The following GRM5 variants were observed in gnomAD, a reference collection of about 807,000 sequenced individuals.
The protein encoded by GRM5 is glutamate metabotropic receptor 5, also known as metabotropic glutamate receptor 5.
In GRM5, 19 loss-of-function variants were observed where a neutral mutation model predicts 83.1. The ratio of observed to expected loss-of-function variants is 0.23; its 90% CI spans 0.16 to 0.34. GRM5 has a LOEUF of 0.34. Ranked by LOEUF, GRM5 falls within the 10% of genes least tolerant of loss-of-function variation. GRM5 has a pLI of 1.00. For missense variants in GRM5, 1,160 were observed against 1,588.3 expected (o/e 0.73, Z 4.58); for synonymous variants, 675 against 633.6 (o/e 1.07, Z -0.98).
intron 2 of GRM5, among the ~76,000 whole-genome samples, chr11:88,926,156 A>G (rs632377): frequency 0.96 from 145,716 of 152,182 alleles, 69,845 homozygotes; most frequent in East Asian, 0.99. Flanking sequence ...CTCAATGAAT[A>G]CATTACTTCT....
At chr11:88,941,566 G>A (rs1440163970) in intron 2 of GRM5, among the ~76,000 whole-genome samples, 1 of 97,358 alleles carries the variant, frequency 1.0e-5, no homozygotes. Context: ...GAGGAGAGGA[G>A]GAGAGGAGGA....
rs530016265 is a variant in GRM5, at chr11:88,673,399, C to A, written c.912-19996G>T. ...TAGTAACATTTACTAAAGAGAAATA[C>A]GTTTCTTGGGGAAGTTTAGTTTTAA... On this transcript the variant is annotated intron_variant, in intron 3 of 9. Transcript: ENST00000305447. Among the ~76,000 whole-genome samples the A allele has an allele frequency of 8.6e-4, 131 of 151,956 alleles. 1 individual carries two copies. Among genetic ancestry groups the A allele is most frequent in the Non-Finnish European group, 1.8e-3 (120 of 67,842 alleles).
intron 1 of GRM5, among the ~76,000 whole-genome samples, chr11:89,057,662 A>C (rs2135167080): frequency 6.6e-6 from 1 of 152,312 alleles, no homozygotes; most frequent in African/African-American, 2.4e-5. Context: ...TTAATTATAA[A>C]GCAGGGATTT....
At position 89,015,588 on chromosome 11, in the gene GRM5, T is replaced by C. The variant is rs985728472; in HGVS notation, c.661+31624A>G. Among the ~76,000 whole-genome samples, 4 of 152,154 alleles carry C rather than the reference T, an allele frequency of 2.6e-5. No homozygotes were observed. In the East Asian group the frequency reaches 7.7e-4, roughly 29 times the overall value. ...TCATACTTCATCAGGCAATGGCCAG[T>C]TCATTTTTTTAATCCAAAGCTACAC... On this transcript the variant is annotated intron_variant, in intron 2 of 9. Transcript: ENST00000305447.
At chr11:88,931,573 G>C (rs1218003799) in intron 2 of GRM5, among the ~76,000 whole-genome samples, 1 of 152,144 alleles carries the variant, frequency 6.6e-6, no homozygotes, top group South Asian at 2.1e-4. Flanking sequence ...GGAAAACCAT[G>C]TTGAGGAACT....
At chr11:88,606,805 C>T (rs1177441579) in intron 4 of GRM5, among the ~76,000 whole-genome samples, 1 of 151,814 alleles carries the variant, frequency 6.6e-6, no homozygotes, top group African/African-American at 2.4e-5. Context: ...AATCTATTTC[C>T]AGGCCTGGTG....
chr11:88,800,253 T>C (rs1329440909), intron 3 of GRM5, among the ~76,000 whole-genome samples: 1 of 152,134 alleles, frequency 6.6e-6, no homozygotes, highest in Non-Finnish European at 1.5e-5. Context: ...TCAAATCTCC[T>C]GATTCCTAAC....
chr11:88,613,623 G>T (rs1281583856), intron 4 of GRM5, among the ~76,000 whole-genome samples: 3 of 152,104 alleles, frequency 2.0e-5, no homozygotes, highest in Non-Finnish European at 4.4e-5. Context: ...GTTGGGTCTT[G>T]CTTCTTTATC....
At chr11:88,514,277 TTAAG>T (rs1449527401) in intron 9 of GRM5, among the ~76,000 whole-genome samples, 2 of 152,210 alleles carry the variant, frequency 1.3e-5, no homozygotes, top group Non-Finnish European at 2.9e-5. Context: ...TATTTGAGGA[TTAAG>T]TTTTTTGTTT....
intron 3 of GRM5, among the ~76,000 whole-genome samples, chr11:88,826,051 G>A (rs1480630340): frequency 1.3e-5 from 2 of 152,142 alleles, no homozygotes; most frequent in Non-Finnish European, 1.5e-5. Flanking sequence ...TTAAGCTGGT[G>A]TTAAGAGGTG....
intron 2 of GRM5, among the ~76,000 whole-genome samples, chr11:88,903,798 C>T (rs1565285327): frequency 1.3e-5 from 2 of 152,114 alleles, no homozygotes; most frequent in African/African-American, 4.8e-5. Context: ...ATAGGTACAA[C>T]GTACATTATT....
intron 2 of GRM5, among the ~76,000 whole-genome samples, chr11:88,894,495 C>T (rs1945199326): frequency 6.6e-6 from 1 of 151,964 alleles, no homozygotes; most frequent in African/African-American, 2.4e-5. Flanking sequence ...TGAGGTCTGC[C>T]TATGGCACTA....
At chr11:88,717,924 G>A (rs186599056) in intron 3 of GRM5, among the ~76,000 whole-genome samples, 103 of 151,878 alleles carry the variant, frequency 6.8e-4, no homozygotes, top group Admixed American at 4.9e-3. Flanking sequence ...TATTAATGTA[G>A]TAGGATTATA....
intron 3 of GRM5, among the ~76,000 whole-genome samples, chr11:88,791,798 T>C (rs1042748865): frequency 7.9e-5 from 12 of 152,180 alleles, no homozygotes; most frequent in African/African-American, 2.2e-4. Context: ...TAAATCATGT[T>C]TGACTTCTAG....
At chr11:88,684,579 G>A (rs1940573608) in intron 3 of GRM5, among the ~76,000 whole-genome samples, 1 of 152,196 alleles carries the variant, frequency 6.6e-6, no homozygotes, top group Non-Finnish European at 1.5e-5. Flanking sequence ...ACATAACTGA[G>A]GTGGAAGTGT....
At chr11:88,683,224 T>G (rs1940537981) in intron 3 of GRM5, among the ~76,000 whole-genome samples, 1 of 152,208 alleles carries the variant, frequency 6.6e-6, no homozygotes, top group Admixed American at 6.5e-5. Context: ...AATTTCACAC[T>G]GTGGTTCATT....
chr11:88,669,883 A>G (rs907821822), intron 3 of GRM5, among the ~76,000 whole-genome samples: 2 of 152,064 alleles, frequency 1.3e-5, no homozygotes, highest in Non-Finnish European at 2.9e-5. Flanking sequence ...ATCTCAATCA[A>G]TATTCCAGTG....
At chr11:88,962,437 T>G (rs1320174858) in intron 2 of GRM5, among the ~76,000 whole-genome samples, 1 of 152,220 alleles carries the variant, frequency 6.6e-6, no homozygotes. Flanking sequence ...TTCATATATC[T>G]ACTCATCCAA....
At chr11:88,740,679 T>C (rs1286015359) in intron 3 of GRM5, among the ~76,000 whole-genome samples, 1 of 152,070 alleles carries the variant, frequency 6.6e-6, no homozygotes, top group East Asian at 1.9e-4. Context: ...ATAATAAATT[T>C]AATCTAATAA....
Sources: gnomAD v4.1 joint callset for allele counts (sites outside exome capture counted in the v4.1 genomes callset) on GRCh38, gnomAD v4.1.1 for gene constraint, MANE v1.5 for transcripts, NCBI Gene and HGNC (gene_info 2026-07-23, HGNC 2026-07-21) for gene names.